OR8G5: variants seen among roughly 807,000 people sequenced by gnomAD.
OR8G5 encodes the protein olfactory receptor 8G5.
For missense variants in OR8G5, 347 were observed against 371.9 expected (o/e 0.93, Z 0.55); for synonymous variants, 147 against 147.7 (o/e 1.00, Z 0.03).
chr11:124,263,236 G>A (rs957035162), intron 1 of OR8G5, among the ~76,000 whole-genome samples: 2 of 152,124 alleles, frequency 1.3e-5, no homozygotes, highest in Non-Finnish European at 2.9e-5. Flanking sequence ...TCAGGCATAT[G>A]TGTTACCTTG....
chr11:124,259,840 A>G (rs968093274), intron 1 of OR8G5, among the ~76,000 whole-genome samples: 1 of 152,124 alleles, frequency 6.6e-6, no homozygotes, highest in Non-Finnish European at 1.5e-5. Context: ...CTGCCTGTAT[A>G]AATTGAAGAT....
In OR8G5 at chr11:124,265,446, A is replaced by G. The variant is rs773246935; in HGVS notation, c.515A>G (p.Asp172Gly). The change falls in exon 2 of 2, where the codon GAT becomes GGT. Residue 172 changes from aspartate (D) to glycine (G), a missense_variant. By Grantham distance (94) the Asp-to-Gly change is moderately conservative. Coordinates refer to ENST00000641992, the MANE Select transcript of OR8G5 (RefSeq NM_001005198.2). The stretch of plus-strand genomic sequence containing the variant: ...TTTAGGGTTCAATTCTGCAAATTTG[A>G]TGTGATCAACCATTATTTCTGTGAT... ...CMFRVQFCKF[D>G]VINHYFCDLI... The G allele has an allele frequency of 6.2e-7, 1 of 1,614,008 alleles. No individual in the cohort carries two copies. The highest frequency in any genetic ancestry group is 8.5e-7 in the Non-Finnish European group (1 of 1,179,894).
At chr11:124,259,162 TTTTTA>T (rs66552582) in intron 1 of OR8G5, among the ~76,000 whole-genome samples, 1 of 42,344 alleles carries the variant, frequency 2.4e-5, no homozygotes, top group Admixed American at 3.1e-4. Flanking sequence ...CATTTGTGTG[TTTTTA>T]TTTTATTTTT....
At chr11:124,261,424 A>T (rs1319821088) in intron 1 of OR8G5, among the ~76,000 whole-genome samples, 1 of 152,028 alleles carries the variant, frequency 6.6e-6, no homozygotes, top group East Asian at 1.9e-4. Context: ...TAACCAAAAA[A>T]ATATTGTGAT....
intron 1 of OR8G5, among the ~76,000 whole-genome samples, chr11:124,260,311 T>C (rs1414432543): frequency 6.6e-6 from 1 of 151,978 alleles, no homozygotes; most frequent in Non-Finnish European, 1.5e-5. Flanking sequence ...AGTGAAGTAG[T>C]TCATGAATGG....
chr11:124,258,440 C>T (rs939944383), intron 1 of OR8G5, among the ~76,000 whole-genome samples: 2 of 151,934 alleles, frequency 1.3e-5, no homozygotes, highest in Admixed American at 6.6e-5. Flanking sequence ...CGCCTATAAT[C>T]TCAGCTACTC....
At position 124,265,166 on chromosome 11, in the gene OR8G5, C is replaced by A; in HGVS notation, c.235C>A (p.Pro79Thr). The A allele has an allele frequency of 6.2e-7, 1 of 1,614,104 alleles. No individual in the cohort carries two copies. The highest frequency in any genetic ancestry group is 8.5e-7 in the Non-Finnish European group (1 of 1,179,976). The change falls in exon 2 of 2, where the codon CCT becomes ACT. Residue 79 changes from proline (P) to threonine (T), a missense_variant. Transcript: ENST00000641992. ...IDFCHSTVITPKMLVNFVTEK... is the reference protein window; with the variant it reads ...IDFCHSTVITTKMLVNFVTEK... ...CTTCTGCCATTCCACTGTCATTACC[C>A]CTAAGATGCTGGTGAACTTTGTGAC... is the stretch of plus-strand genomic sequence containing the variant.
intron 1 of OR8G5, among the ~76,000 whole-genome samples, chr11:124,258,193 AC>A (rs1464544635): frequency 6.6e-6 from 1 of 152,050 alleles, no homozygotes; most frequent in Non-Finnish European, 1.5e-5. Flanking sequence ...TTATTTCATT[AC>A]CTTTAAATAT....
At chr11:124,259,625 A>T (rs1032799233) in intron 1 of OR8G5, among the ~76,000 whole-genome samples, 5 of 152,110 alleles carry the variant, frequency 3.3e-5, no homozygotes, top group Admixed American at 1.3e-4. Context: ...GTTTTTCATT[A>T]TAATCATGTT....
At chr11:124,263,817 A>G (rs926450660) in intron 1 of OR8G5, among the ~76,000 whole-genome samples, 8 of 151,920 alleles carry the variant, frequency 5.3e-5, no homozygotes, top group African/African-American at 1.7e-4. Flanking sequence ...TAAATTTTGT[A>G]TTTTTTTAAA....
chr11:124,262,424 AAAAAG>A (rs961912254), intron 1 of OR8G5, among the ~76,000 whole-genome samples: 5 of 151,826 alleles, frequency 3.3e-5, no homozygotes, highest in East Asian at 1.9e-4. Context: ...TAAGAAAACT[AAAAAG>A]AAAGATAAAA....
chr11:124,257,422 A>T (rs1156871330), intron 1 of OR8G5, among the ~76,000 whole-genome samples: 2 of 152,178 alleles, frequency 1.3e-5, no homozygotes, highest in Non-Finnish European at 2.9e-5. Flanking sequence ...GAAACCCAAG[A>T]AGGACCAGGT....
At position 124,265,331 on chromosome 11, in the gene OR8G5, A is replaced by G. The variant is rs768815358; in HGVS notation, c.400A>G (p.Ile134Val). 82 of 1,613,952 alleles carry G rather than the reference A, an allele frequency of 5.1e-5. No homozygotes were observed. The highest frequency in any genetic ancestry group is 5.5e-5 in the South Asian group (5 of 91,090). The change falls in exon 2 of 2, where the codon ATC becomes GTC. Residue 134 changes from isoleucine to valine, a missense_variant. Physicochemically the swap from Ile to Val is conservative, Grantham distance 29. Coordinates refer to ENST00000641992, the MANE Select transcript of OR8G5 (RefSeq NM_001005198.2). Reference protein sequence around the residue: ...VAICSPLLYSIIISNKACFSL... With the variant: ...VAICSPLLYSVIISNKACFSL... The stretch of plus-strand genomic sequence containing the variant: ...CATCTGTAGCCCCTTGCTGTACAGC[A>G]TCATCATATCCAATAAGGCTTGCTT...
At position 124,266,133 on chromosome 11, in the gene OR8G5, T is replaced by G; in HGVS notation, c.*266T>G. ...TAGTGGCATAACCTGATAATGCCAG[T>G]TACATTCCCTTCCCCCTTTTCTTTC... is the stretch of plus-strand genomic sequence containing the variant. On this transcript the variant is annotated 3_prime_UTR_variant, in exon 2 of 2. Transcript: ENST00000641992. 2.7e-6 allele frequency: 1 copy of G among 363,692 alleles called. No individual in the cohort carries two copies. Among genetic ancestry groups the G allele is most frequent in the East Asian group, 5.2e-5 (1 of 19,114 alleles). 22.5% of individuals were successfully genotyped at this position (363,692 alleles called of 1,614,324 possible). A position where few individuals can be genotyped will look rare whatever the true frequency, so the allele number is the denominator to read the frequency against.
chr11:124,260,456 A>G (rs554177447), intron 1 of OR8G5, among the ~76,000 whole-genome samples: 1 of 152,070 alleles, frequency 6.6e-6, no homozygotes, highest in Non-Finnish European at 1.5e-5. Flanking sequence ...ACAAACCCCC[A>G]TGACACAAGT....
intron 1 of OR8G5, among the ~76,000 whole-genome samples, chr11:124,258,768 A>C (rs2466675): frequency 6.6e-6 from 1 of 151,732 alleles, no homozygotes; most frequent in Non-Finnish European, 1.5e-5. Flanking sequence ...GATGCCACAG[A>C]CTTCTCTTCA....
chr11:124,262,370 GT>G (rs142038279), intron 1 of OR8G5, among the ~76,000 whole-genome samples: 8,758 of 151,550 alleles, frequency 0.058, 401 homozygotes, highest in South Asian at 0.13. Flanking sequence ...AATGTAAAAT[GT>G]TTCATAATTT....
In OR8G5 at chr11:124,265,803, G is replaced by A. The variant is rs1862024590; in HGVS notation, c.872G>A (p.Ser291Asn). ...CCCATGCTGAACCCCCTGATCTACAGCCTGAGGAATAAAGATGTCCACGTT... is the reference window on the plus strand; with the variant it reads ...CCCATGCTGAACCCCCTGATCTACAACCTGAGGAATAAAGATGTCCACGTT... ...VVPMLNPLIY[S>N]LRNKDVHVAL... The change falls in exon 2 of 2, where the codon AGC becomes AAC. Residue 291 changes from serine to asparagine, a missense_variant. Coordinates refer to ENST00000641992, the MANE Select transcript of OR8G5 (RefSeq NM_001005198.2). 1.2e-6 allele frequency: 2 copies of A among 1,607,252 alleles called. No individual in the cohort carries two copies. Among genetic ancestry groups the A allele is most frequent in the Admixed American group, 1.7e-5 (1 of 58,394 alleles).
rs1397795292 is a variant in OR8G5 at position 124,265,703 on chromosome 11, A to T, written c.772A>T (p.Met258Leu). The T allele has an allele frequency of 1.9e-6, 3 of 1,613,916 alleles. No individual in the cohort carries two copies. Among genetic ancestry groups the T allele is most frequent in the Non-Finnish European group, 2.5e-6 (3 of 1,179,930 alleles). Reference protein sequence around the residue: ...VSVFFGSAAFMYLQPSSVSSM... With the variant: ...VSVFFGSAAFLYLQPSSVSSM... ...TGTTTTCTTTGGGTCTGCAGCATTC[A>T]TGTACCTGCAGCCATCATCTGTCAG... Residue 258 changes from methionine to leucine, a missense_variant, in exon 2 of 2, where the codon ATG becomes TTG. Physicochemically the swap from Met to Leu is conservative, Grantham distance 15 (BLOSUM62 2). Transcript: ENST00000641992.
Sources: gnomAD v4.1 joint callset for allele counts (sites outside exome capture counted in the v4.1 genomes callset) on GRCh38, gnomAD v4.1.1 for gene constraint, MANE v1.5 for transcripts, NCBI Gene and HGNC (gene_info 2026-07-23, HGNC 2026-07-21) for gene names.